The following MAN1C1 variants were observed in gnomAD, a reference collection of about 807,000 sequenced individuals.
The protein encoded by MAN1C1 is mannosidase alpha class 1C member 1.
In MAN1C1, 49 loss-of-function variants were observed where a neutral mutation model predicts 71.5. That is an observed-to-expected ratio of 0.69 (90% confidence interval 0.54 to 0.87). The LOEUF (loss-of-function observed/expected upper bound fraction) is 0.87, where lower values mean the gene tolerates loss of function less well. MAN1C1 is among the 40% of genes least tolerant of loss of function. The pLI is 0.00. For synonymous variants in MAN1C1, 352 were observed against 343.7 expected, an observed-to-expected ratio of 1.02 and a Z score of -0.27; for missense variants, 743 against 835.0, an observed-to-expected ratio of 0.89 and a Z score of 1.36.
At chr1:25,681,226 C>CA (rs59356271) in intron 1 of MAN1C1, among the ~76,000 whole-genome samples, 323 of 106,470 alleles carry the variant, frequency 3.0e-3, no homozygotes, top group South Asian at 3.8e-3. Flanking sequence ...TACTCCGTCT[C>CA]AAAAAAAAAA....
At position 25,746,043 on chromosome 1, in the gene MAN1C1, C is replaced by A. The variant is rs72875686; in HGVS notation, c.638-625C>A. On this transcript the variant is annotated intron_variant, in intron 2 of 11. Coordinates refer to ENST00000374332, the MANE Select transcript of MAN1C1 (RefSeq NM_020379.4). This position sits in a 1 kb window ranked among gnomAD's most constrained non-coding sequence, Gnocchi z 4.0. ...GCTGGATGAGGTGGCTCACGGCTCACGCCTGTAATCCAGCACTTTGGGAGG... is the reference window on the plus strand; with the variant it reads ...GCTGGATGAGGTGGCTCACGGCTCAAGCCTGTAATCCAGCACTTTGGGAGG... Among the ~76,000 whole-genome samples the A allele has an allele frequency of 1.3e-5, 2 of 151,950 alleles. No individual in the cohort carries two copies. The highest frequency in any genetic ancestry group is 2.9e-5 in the Non-Finnish European group (2 of 68,002).
chr1:25,637,248 T>G (rs1162651031), intron 1 of MAN1C1, among the ~76,000 whole-genome samples: 1 of 152,214 alleles, frequency 6.6e-6, no homozygotes, highest in Admixed American at 6.5e-5. Context: ...CTTAAAAATA[T>G]CCATTTAAAA....
At chr1:25,736,266 G>A (rs2046981388) in intron 2 of MAN1C1, among the ~76,000 whole-genome samples, 3 of 152,154 alleles carry the variant, frequency 2.0e-5, no homozygotes, top group African/African-American at 7.2e-5. Flanking sequence ...CTGGCACAAA[G>A]GTAGTACCTT....
At chr1:25,637,289 C>T (rs928718647) in intron 1 of MAN1C1, among the ~76,000 whole-genome samples, 1 of 152,114 alleles carries the variant, frequency 6.6e-6, no homozygotes, top group Non-Finnish European at 1.5e-5. Flanking sequence ...TTATTTCCTT[C>T]CTTCTGCCTA....
Position 25,686,374 on chromosome 1 carries a change from G to T in MAN1C1, c.541-66G>T, listed in dbSNP as rs559099390. ...AAACACGTTGCAAGGGGCAAAGCCAGGCGGCCAGTGCGCACTGCCAGGAAT... is the reference window on the plus strand; with the variant it reads ...AAACACGTTGCAAGGGGCAAAGCCATGCGGCCAGTGCGCACTGCCAGGAAT... On this transcript the variant is annotated intron_variant, in intron 1 of 11. Transcript: ENST00000374332. 4 of 1,365,404 alleles carry T rather than the reference G, an allele frequency of 2.9e-6. No homozygotes were observed. The South Asian group carries it at 4.8e-5, about 16-fold the overall frequency. The allele number at this position is 1,365,404 out of a possible 1,614,324, so 84.6% of individuals were successfully genotyped here. A position where few individuals can be genotyped will look rare whatever the true frequency, so the allele number is the denominator to read the frequency against.
At chr1:25,771,818 C>CCGGCTCT (rs766376975) in intron 8 of MAN1C1, 46 bp downstream of exon 8, 1 of 1,499,610 alleles carries the variant, frequency 6.7e-7, no homozygotes, top group Admixed American at 1.7e-5. Flanking sequence ...TCACCAGCCC[C>CCGGCTCT]CGGCTCTCTC....
In MAN1C1 at chr1:25,780,933, T is replaced by A. The variant is rs1557805986; in HGVS notation, c.1478-7T>A. 1 of 1,613,268 alleles carries A rather than the reference T, an allele frequency of 6.2e-7. No individual in the cohort carries two copies. The highest frequency in any genetic ancestry group is 8.5e-7 in the Non-Finnish European group (1 of 1,179,550). On this transcript the variant is annotated splice_region_variant and splice_polypyrimidine_tract_variant and intron_variant, in intron 9 of 11. Coordinates refer to ENST00000374332, the MANE Select transcript of MAN1C1 (RefSeq NM_020379.4). ...GACCTGGGCCCTCTGCTTGGCTGTT[T>A]CCCCAGACACCAAACTTGGGCCTGA...
Position 25,764,007 on chromosome 1 carries a change from C to T in MAN1C1, c.1141+40C>T, listed in dbSNP as rs1374261341. ...GCCACTGCCCCTTATTCAGCGGGTTCCTGCCCAGGCTTCCTAGGAAGACCC... is the reference window on the plus strand; with the variant it reads ...GCCACTGCCCCTTATTCAGCGGGTTTCTGCCCAGGCTTCCTAGGAAGACCC... On this transcript the variant is annotated intron_variant, in intron 7 of 11. Coordinates refer to ENST00000374332, the MANE Select transcript of MAN1C1 (RefSeq NM_020379.4). This position sits in a 1 kb window ranked among gnomAD's most constrained non-coding sequence, Gnocchi z 4.4. 1.3e-6 allele frequency: 2 copies of T among 1,538,562 alleles called. No homozygotes were observed. Among genetic ancestry groups the T allele is most frequent in the South Asian group, 2.2e-5 (2 of 89,504 alleles).
chr1:25,740,170 C>G (rs2047041381), intron 2 of MAN1C1, among the ~76,000 whole-genome samples: 1 of 152,112 alleles, frequency 6.6e-6, no homozygotes, highest in South Asian at 2.1e-4. Context: ...GACAAGGAGA[C>G]AGTGAGTGGC....
chr1:25,734,046 A>G (rs1008789493), intron 2 of MAN1C1, among the ~76,000 whole-genome samples: 12 of 151,800 alleles, frequency 7.9e-5, no homozygotes, highest in Admixed American at 2.0e-4. Flanking sequence ...TGATCCGCCC[A>G]CCTCGGCCTC....
intron 1 of MAN1C1, among the ~76,000 whole-genome samples, chr1:25,625,851 T>C (rs190219103): frequency 6.6e-6 from 1 of 152,246 alleles, no homozygotes; most frequent in African/African-American, 2.4e-5. Flanking sequence ...ATAAGTGGAA[T>C]AGTACAGTCC....
chr1:25,654,655 C>CT (rs916371675), intron 1 of MAN1C1, among the ~76,000 whole-genome samples: 79 of 148,554 alleles, frequency 5.3e-4, no homozygotes, highest in Middle Eastern at 3.4e-3. Context: ...TCCTTTTTTC[C>CT]TTTTTTTTTT....
chr1:25,675,670 T>A (rs1466057267), intron 1 of MAN1C1, among the ~76,000 whole-genome samples: 6 of 151,828 alleles, frequency 4.0e-5, no homozygotes, highest in Admixed American at 3.9e-4. Flanking sequence ...ATCTCCATAC[T>A]GTTTTCCATA....
At position 25,627,896 on chromosome 1, in the gene MAN1C1, A is replaced by G. The variant is rs1477049863; in HGVS notation, c.540+9559A>G. Among the ~76,000 whole-genome samples the G allele has an allele frequency of 5.3e-5, 8 of 151,814 alleles. No homozygotes were observed. In the East Asian group the frequency reaches 1.4e-3, roughly 26 times the overall value. Reference sequence around the variant, plus strand: ...AAAAAAAAAAAAAAATACAAAAATTATCCAGGCATGATGATGGTGCACACC... The same window carrying G: ...AAAAAAAAAAAAAAATACAAAAATTGTCCAGGCATGATGATGGTGCACACC... On this transcript the variant is annotated intron_variant, in intron 1 of 11. Coordinates refer to ENST00000374332, the MANE Select transcript of MAN1C1 (RefSeq NM_020379.4).
intron 7 of MAN1C1, among the ~76,000 whole-genome samples, chr1:25,770,402 C>T (rs1360376150): frequency 6.6e-6 from 1 of 152,216 alleles, no homozygotes; most frequent in African/African-American, 2.4e-5. Flanking sequence ...ATTCCTGGGT[C>T]CCATCTGTCT....
intron 2 of MAN1C1, among the ~76,000 whole-genome samples, chr1:25,745,202 T>G (rs1032232148): frequency 6.6e-6 from 1 of 152,194 alleles, no homozygotes; most frequent in African/African-American, 2.4e-5. Context: ...ATCTCAGCCT[T>G]TACTCCCAGG....
chr1:25,619,029 G>A (rs2045162650), intron 1 of MAN1C1, among the ~76,000 whole-genome samples: 1 of 152,212 alleles, frequency 6.6e-6, no homozygotes, highest in South Asian at 2.1e-4. Context: ...CAGATCTTGA[G>A]CTGGTTCCCT....
At chr1:25,692,713 C>T (rs748645301) in intron 2 of MAN1C1, among the ~76,000 whole-genome samples, 18 of 152,176 alleles carry the variant, frequency 1.2e-4, no homozygotes, top group Non-Finnish European at 1.8e-4. Context: ...ATACAGTGGC[C>T]GCCAAGAACA....
chr1:25,617,742 C>G lies in MAN1C1; in HGVS notation c.-56C>G. The G allele has an allele frequency of 1.3e-6, 2 of 1,489,950 alleles. No homozygotes were observed. Among genetic ancestry groups the G allele is most frequent in the Non-Finnish European group, 1.8e-6 (2 of 1,124,388 alleles). 92.3% of individuals were successfully genotyped at this position (1,489,950 alleles called of 1,614,324 possible). A position where few individuals can be genotyped will look rare whatever the true frequency, so the allele number is the denominator to read the frequency against. ...TCCGGACGCCCTCCCCTCACCGCGC[C>G]CCCGCAGACACGTGCCTGGACTCCG... On this transcript the variant is annotated 5_prime_UTR_variant, in exon 1 of 12. Coordinates refer to ENST00000374332, the MANE Select transcript of MAN1C1 (RefSeq NM_020379.4). The surrounding 1 kb of genome is among the most constrained non-coding windows in gnomAD (Gnocchi z 5.1).
Sources: gnomAD v4.1 joint callset for allele counts (sites outside exome capture counted in the v4.1 genomes callset) on GRCh38, gnomAD v4.1.1 for gene constraint, Gnocchi (gnomAD v3.1) non-coding constraint, MANE v1.5 for transcripts, NCBI Gene and HGNC (gene_info 2026-07-23, HGNC 2026-07-21) for gene names.